The following CDH24 variants were observed in gnomAD, a reference collection of about 807,000 sequenced individuals.
CDH24 encodes the protein cadherin 24.
In CDH24, 61 loss-of-function variants were observed where a neutral mutation model predicts 71.2. The ratio of observed to expected loss-of-function variants is 0.86; its 90% CI spans 0.70 to 1.06. The LOEUF is 1.06. Among genes scored for constraint, CDH24 ranks in the 50% least tolerant of loss-of-function variants. The probability of loss-of-function intolerance (pLI) is 0.00; values close to 1 mark genes in which losing one functional copy is unlikely to be tolerated. For synonymous variants in CDH24, 440 were observed against 470.2 expected, an observed-to-expected ratio of 0.94 and a Z score of 0.83; for missense variants, 961 against 1,083.7, an observed-to-expected ratio of 0.89 and a Z score of 1.59.
chr14:23,049,036 C>T lies in CDH24; in HGVS notation c.1837G>A (p.Ala613Thr), dbSNP rs1041917435. 4 of 1,612,058 alleles carry T rather than the reference C, an allele frequency of 2.5e-6. No homozygotes were observed. The African/African-American group carries it at 4.0e-5, about 16-fold the overall frequency. Residue 613 changes from alanine to threonine, a missense_variant, in exon 11 of 13, where the codon GCC becomes ACC. This residue lies in a region of CDH24 where 290 missense variants were observed against 272.8 expected (regional missense o/e 1.06). Transcript: ENST00000487137. ...ALLAIITCVG[A>T]LLALVVLFVA... ...CTGTGGCCTGACTCACCAAGCAGGGCACCCACACAGGTGATGATGGCAAGC... is the reference window on the plus strand; with the variant it reads ...CTGTGGCCTGACTCACCAAGCAGGGTACCCACACAGGTGATGATGGCAAGC...
Position 23,051,857 on chromosome 14 carries a change from G to A in CDH24, c.1363+616C>T. On this transcript the variant is annotated intron_variant, in intron 8 of 12. Coordinates refer to ENST00000487137, the MANE Select transcript of CDH24 (RefSeq NM_144985.4). This position sits in a 1 kb window ranked among gnomAD's most constrained non-coding sequence, Gnocchi z 4.4. ...GATCGGGAGGGAGGTCTCCCTGTCT[G>A]TATGGGCTAGGGCTGCCCAGAGGCA... 1.7e-6 allele frequency: 1 copy of A among 593,698 alleles called. No individual in the cohort carries two copies. 36.8% of individuals were successfully genotyped at this position (593,698 alleles called of 1,614,324 possible).
chr14:23,055,089 G>C lies in CDH24; in HGVS notation c.466C>G (p.His156Asp). 1 of 1,612,904 alleles carries C rather than the reference G, an allele frequency of 6.2e-7. No homozygotes were observed. Among genetic ancestry groups the C allele is most frequent in the Non-Finnish European group, 8.5e-7 (1 of 1,179,046 alleles). Residue 156 changes from histidine to aspartate, a missense_variant, in exon 3 of 13, where the codon CAT becomes GAT. His to Asp is a moderately conservative substitution (Grantham distance 81). This residue lies in a region of CDH24 where 671 missense variants were observed against 810.9 expected (regional missense o/e 0.83). Transcript: ENST00000487137. This position sits in a 1 kb window ranked among gnomAD's most constrained non-coding sequence, Gnocchi z 4.1. ...TTGGACATCTCGGGCACGGTGGCATGGTAGGGCCCAAGGGGAAAAATGGGT... is the reference window on the plus strand; with the variant it reads ...TTGGACATCTCGGGCACGGTGGCATCGTAGGGCCCAAGGGGAAAAATGGGT... ...NPPIFPLGPY[H>D]ATVPEMSNVG...
rs1401472008 is a variant in CDH24, at chr14:23,052,603, G to A, written c.1233C>T (p.Ser411=). The A allele has an allele frequency of 1.2e-6, 2 of 1,613,626 alleles. No homozygotes were observed. Among genetic ancestry groups the A allele is most frequent in the Non-Finnish European group, 1.7e-6 (2 of 1,179,788 alleles). The change falls in exon 8 of 13, where the codon TCC becomes TCT. Residue 411 remains serine (S), a synonymous_variant. Coordinates refer to ENST00000487137, the MANE Select transcript of CDH24 (RefSeq NM_144985.4). ...LDSPASPIRY[S]ILPHSDPERC... ...GCTCCGGATCTGAGTGGGGGAGGAT[G>A]GAGTATCTGGGGAAGGGAGAGACAT...
chr14:23,052,706 C>A, intron 7 of CDH24, 97 bp from the exon 8 acceptor site: 1 of 1,227,208 alleles, frequency 8.1e-7, no homozygotes, highest in South Asian at 1.3e-5. Context: ...CCTTGTCAGA[C>A]CTCATGACTC....
At chr14:23,056,134 A>G (rs1012882235) in intron 1 of CDH24, among the ~76,000 whole-genome samples, 4 of 152,090 alleles carry the variant, frequency 2.6e-5, no homozygotes, top group African/African-American at 9.7e-5. Context: ...GGAATCCCAA[A>G]TCTGGTCTCT....
rs1349293537 is a variant in CDH24, at chr14:23,054,989, C to T, written c.496+70G>A. Reference sequence around the variant, plus strand: ...AGGGGGCAGGTTCTGGGGCAGACAACAAGAAGGGAAGGAGAGGTGAGAGAG... The same window carrying T: ...AGGGGGCAGGTTCTGGGGCAGACAATAAGAAGGGAAGGAGAGGTGAGAGAG... On this transcript the variant is annotated intron_variant, in intron 3 of 12. Coordinates refer to ENST00000487137, the MANE Select transcript of CDH24 (RefSeq NM_144985.4). The surrounding 1 kb of genome is among the most constrained non-coding windows in gnomAD (Gnocchi z 5.2). The T allele has an allele frequency of 1.3e-6, 2 of 1,589,582 alleles. No homozygotes were observed. The highest frequency in any genetic ancestry group is 8.6e-7 in the Non-Finnish European group (1 of 1,165,020).
chr14:23,052,130 G>C (rs1264566847), intron 8 of CDH24: 6 of 1,073,078 alleles, frequency 5.6e-6, no homozygotes, highest in Non-Finnish European at 7.0e-6. Context: ...ACACAGGTTG[G>C]GGGCTATGTA....
At position 23,054,130 on chromosome 14, in the gene CDH24, AG is replaced by A; in HGVS notation, c.972+10del. 1 of 1,578,450 alleles carries A rather than the reference AG, an allele frequency of 6.3e-7. No homozygotes were observed. The highest frequency in any genetic ancestry group is 8.6e-7 in the Non-Finnish European group (1 of 1,158,568). On this transcript the variant is annotated intron_variant, in intron 6 of 12. Coordinates refer to ENST00000487137, the MANE Select transcript of CDH24 (RefSeq NM_144985.4). This position sits in a 1 kb window ranked among gnomAD's most constrained non-coding sequence, Gnocchi z 5.2. The stretch of plus-strand genomic sequence containing the variant: ...GGTCTAAGAGAAAGCATTAACAGGC[AG>A]GAGGCTAACCTTGCGGACAGTGAGG...
Position 23,048,104 on chromosome 14 carries a change from C to A in CDH24, c.2222G>T (p.Ser741Ile). The change falls in exon 12 of 13, where the codon AGC becomes ATC. Residue 741 changes from serine (S) to isoleucine (I), a missense_variant. Around this residue, in one of 2 missense-constraint regions of CDH24, gnomAD observed 290 missense variants for 272.8 expected, o/e 1.06. Transcript: ENST00000487137. The stretch of plus-strand genomic sequence containing the variant: ...GGCTTCGCTGCCGGAGCCCAGGGAG[C>A]TGAGGGAGCCGCAAGAGGAGCCGCG... The part of the protein sequence containing the change: ...EGRGSSCGSL[S>I]SLGSGSEAGG... The A allele has an allele frequency of 1.4e-6, 2 of 1,409,542 alleles. No individual in the cohort carries two copies. The highest frequency in any genetic ancestry group is 1.8e-6 in the Non-Finnish European group (2 of 1,087,812). 87.3% of individuals were successfully genotyped at this position (1,409,542 alleles called of 1,614,324 possible).
Position 23,048,044 on chromosome 14 carries a change from T to A in CDH24, c.2282A>T (p.Asp761Val), listed in dbSNP as rs1179986033. The change falls in exon 12 of 13, where the codon GAC becomes GTC. Residue 761 changes from aspartate (D) to valine (V), a missense_variant. By Grantham distance (152) the Asp-to-Val change is radical. This residue lies in a region of CDH24 where 290 missense variants were observed against 272.8 expected (regional missense o/e 1.06). Transcript: ENST00000487137. Reference sequence around the variant, plus strand: ...CAGGGTGCGGAAGAGCGGACCCCAGTCGTCCAGCGGCTCCGCGGGGCCGGG... The same window carrying A: ...CAGGGTGCGGAAGAGCGGACCCCAGACGTCCAGCGGCTCCGCGGGGCCGGG... ...GAPGPAEPLD[D>V]WGPLFRTLAE... 16 of 1,447,406 alleles carry A rather than the reference T, an allele frequency of 1.1e-5. No homozygotes were observed. The highest frequency in any genetic ancestry group is 2.5e-4 in the Middle Eastern group (1 of 4,050). 89.7% of individuals were successfully genotyped at this position (1,447,406 alleles called of 1,614,324 possible).
intron 8 of CDH24, 107 bp from the exon 9 acceptor site, chr14:23,050,050 C>G: frequency 6.9e-7 from 1 of 1,442,576 alleles, no homozygotes; most frequent in Non-Finnish European, 9.4e-7. Context: ...ATAGCATGCA[C>G]AAGAAACACA....
intron 6 of CDH24, among the ~76,000 whole-genome samples, 192 bp downstream of exon 6, chr14:23,053,949 C>T (rs1356623212): frequency 6.6e-6 from 1 of 152,166 alleles, no homozygotes; most frequent in African/African-American, 2.4e-5. Flanking sequence ...CTGCCCCTAG[C>T]TCCCTCATAG....
In CDH24 at chr14:23,055,175, T is replaced by C; in HGVS notation, c.380A>G (p.Asn127Ser). The stretch of plus-strand genomic sequence containing the variant: ...CTCTGATGGGGGCTCCAGGGGCCGG[T>C]TGGAGGCTCGGTCCACGGCTTGGGC... ...LLAQAVDRAS[N>S]RPLEPPSEFI... The change falls in exon 3 of 13, where the codon AAC (asparagine) becomes AGC (serine). Residue 127 changes from asparagine to serine, a missense_variant. This residue lies in a region of CDH24 where 671 missense variants were observed against 810.9 expected (regional missense o/e 0.83). Transcript: ENST00000487137. The surrounding 1 kb of genome is among the most constrained non-coding windows in gnomAD (Gnocchi z 4.1). The C allele has an allele frequency of 6.2e-7, 1 of 1,614,154 alleles. No homozygotes were observed. The highest frequency in any genetic ancestry group is 8.5e-7 in the Non-Finnish European group (1 of 1,179,998).
Position 23,054,539 on chromosome 14 carries a change from C to A in CDH24, c.751G>T (p.Asp251Tyr). Residue 251 changes from aspartate to tyrosine, a missense_variant, in exon 5 of 13, where the codon GAT becomes TAT. Transcript: ENST00000487137. This position sits in a 1 kb window ranked among gnomAD's most constrained non-coding sequence, Gnocchi z 5.2. ...GSTTVTVTLSDVNDNPPKFPQ... is the reference protein window; with the variant it reads ...GSTTVTVTLSYVNDNPPKFPQ... ...AACTTGGGGGGGTTGTCGTTGACAT[C>A]GCTGAGCGTGACAGTCACCGTAGTG... 1 of 1,613,894 alleles carries A rather than the reference C, an allele frequency of 6.2e-7. No individual in the cohort carries two copies. The highest frequency in any genetic ancestry group is 8.5e-7 in the Non-Finnish European group (1 of 1,179,878).
In CDH24 at chr14:23,049,408, G is replaced by A. The variant is rs527448793; in HGVS notation, c.1598-133C>T. ...CCCATAGGTCCAGCCCATAGAGCCA[G>A]CTTCCCATAGAGCCAGCCCATAGGT... is the stretch of plus-strand genomic sequence containing the variant. On this transcript the variant is annotated intron_variant, in intron 10 of 12. Transcript: ENST00000487137. 49 of 880,748 alleles carry A rather than the reference G, an allele frequency of 5.6e-5. No homozygotes were observed. The African/African-American group carries it at 7.2e-4, about 13-fold the overall frequency. The allele number at this position is 880,748 out of a possible 1,614,324, so 54.6% of individuals were successfully genotyped here.
In CDH24 at chr14:23,047,943, G is replaced by GCCC. The variant is rs376932486; in HGVS notation, c.*34_*36dup. ...CTCACTCAGAGGGCCTGTGCCCGCT[G>GCCC]CCCCCCCCCCGCGGTGGGCCGGGCC... On this transcript the variant is annotated 3_prime_UTR_variant, in exon 12 of 13. Transcript: ENST00000487137. 3.7e-5 allele frequency: 41 copies of GCCC among 1,094,266 alleles called. No homozygotes were observed. The highest frequency in any genetic ancestry group is 3.4e-4 in the African/African-American group (20 of 58,814). The allele number at this position is 1,094,266 out of a possible 1,614,324, so 67.8% of individuals were successfully genotyped here.
In CDH24 at chr14:23,054,082, G is replaced by A; in HGVS notation, c.972+59C>T. ...GTTCTAGAAGAACAGTTAAATATGTGCCCTGTGGGTCGGCAGGAGGCAGGT... is the reference window on the plus strand; with the variant it reads ...GTTCTAGAAGAACAGTTAAATATGTACCCTGTGGGTCGGCAGGAGGCAGGT... On this transcript the variant is annotated intron_variant, in intron 6 of 12. Coordinates refer to ENST00000487137, the MANE Select transcript of CDH24 (RefSeq NM_144985.4). This position sits in a 1 kb window ranked among gnomAD's most constrained non-coding sequence, Gnocchi z 5.2. 2.0e-6 allele frequency: 3 copies of A among 1,488,088 alleles called. No individual in the cohort carries two copies. The highest frequency in any genetic ancestry group is 1.8e-6 in the Non-Finnish European group (2 of 1,105,238). 92.2% of individuals were successfully genotyped at this position (1,488,088 alleles called of 1,614,324 possible).
rs929195651 is a variant in CDH24 at position 23,047,952 on chromosome 14, C to A, written c.*28G>T. 3.5e-5 allele frequency: 45 copies of A among 1,292,318 alleles called. No homozygotes were observed. The highest frequency in any genetic ancestry group is 4.5e-5 in the South Asian group (2 of 44,518). 80.1% of individuals were successfully genotyped at this position (1,292,318 alleles called of 1,614,324 possible). A position where few individuals can be genotyped will look rare whatever the true frequency, so the allele number is the denominator to read the frequency against. ...AGGGCCTGTGCCCGCTGCCCCCCCC[C>A]CGCGGTGGGCCGGGCCAGCCCGGGC... On this transcript the variant is annotated 3_prime_UTR_variant, in exon 12 of 13. Transcript: ENST00000487137.
Position 23,047,948 on chromosome 14 carries a change from C to CA in CDH24, c.*31_*32insT. On this transcript the variant is annotated 3_prime_UTR_variant, in exon 12 of 13. Transcript: ENST00000487137. ...TCAGAGGGCCTGTGCCCGCTGCCCC[C>CA]CCCCCGCGGTGGGCCGGGCCAGCCC... 7.8e-7 allele frequency: 1 copy of CA among 1,289,030 alleles called. No homozygotes were observed. The allele number at this position is 1,289,030 out of a possible 1,614,324, so 79.8% of individuals were successfully genotyped here. A position where few individuals can be genotyped will look rare whatever the true frequency, so the allele number is the denominator to read the frequency against.
Sources: allele counts gnomAD v4.1 joint callset (sites outside exome capture counted in the v4.1 genomes callset), GRCh38; gene constraint gnomAD v4.1.1; regional missense constraint gnomAD v4.1.1; non-coding constraint Gnocchi (gnomAD v3.1); transcripts MANE v1.5; gene names NCBI Gene and HGNC (gene_info 2026-07-23, HGNC 2026-07-21).